The following ST8SIA4 variants were observed in gnomAD, a reference collection of about 807,000 sequenced individuals.
ST8SIA4 encodes ST8 alpha-N-acetyl-neuraminide alpha-2,8-sialyltransferase 4, also known as CMP-N-acetylneuraminate-poly-alpha-2,8-sialyltransferase.
In ST8SIA4, 15 loss-of-function variants were observed where a neutral mutation model predicts 33.9. The observed-to-expected ratio is 0.44, with a 90% CI of 0.30 to 0.68. ST8SIA4 has a LOEUF of 0.68. ST8SIA4 is among the 30% of genes least tolerant of loss of function. ST8SIA4 has a pLI of 0.10. For missense variants in ST8SIA4, 321 were observed against 428.0 expected, an observed-to-expected ratio of 0.75 and a Z score of 2.21; for synonymous variants, 171 against 151.2, an observed-to-expected ratio of 1.13 and a Z score of -0.96.
At chr5:100,889,441 A>G (rs1752612294) in intron 2 of ST8SIA4, among the ~76,000 whole-genome samples, 1 of 151,968 alleles carries the variant, frequency 6.6e-6, no homozygotes, top group Non-Finnish European at 1.5e-5. Flanking sequence ...TGCAAGCTGC[A>G]GTGAGTAAAC....
At chr5:100,900,015 G>C (rs1334792225) in intron 1 of ST8SIA4, among the ~76,000 whole-genome samples, 1 of 152,166 alleles carries the variant, frequency 6.6e-6, no homozygotes, top group African/African-American at 2.4e-5. Flanking sequence ...GGAGATATGA[G>C]AATGTGGATG....
At position 100,848,401 on chromosome 5, in the gene ST8SIA4, CTTTG is replaced by C. The variant is rs566420686; in HGVS notation, c.797+7698_797+7701del. Among the ~76,000 whole-genome samples the C allele has an allele frequency of 1.2e-3, 181 of 149,698 alleles. 2 individuals are homozygous for C. In the East Asian group the frequency reaches 0.015, roughly 12 times the overall value. On this transcript the variant is annotated intron_variant, in intron 4 of 4. Coordinates refer to ENST00000231461, the MANE Select transcript of ST8SIA4 (RefSeq NM_005668.6). ...AAAATACATATTTGTATATTTTATACTTTGTTAGTATGTGTAAATTATTTACAGT... is the reference window on the plus strand; with the variant it reads ...AAAATACATATTTGTATATTTTATACTTAGTATGTGTAAATTATTTACAGT...
chr5:100,826,593 G>T (rs557901022), intron 4 of ST8SIA4, among the ~76,000 whole-genome samples: 1 of 152,216 alleles, frequency 6.6e-6, no homozygotes, highest in South Asian at 2.1e-4. Flanking sequence ...GGATATGCAA[G>T]TTCTAAATTT....
At chr5:100,875,751 T>A (rs954614957) in intron 3 of ST8SIA4, among the ~76,000 whole-genome samples, 1 of 151,496 alleles carries the variant, frequency 6.6e-6, no homozygotes, top group Admixed American at 6.6e-5. Context: ...TAAAATAAAC[T>A]TGACGTTTAT....
intron 1 of ST8SIA4, among the ~76,000 whole-genome samples, chr5:100,899,071 C>A (rs57408442): frequency 0.011 from 1,612 of 152,212 alleles, 25 homozygotes; most frequent in African/African-American, 0.035. Flanking sequence ...TTTTGCAGTA[C>A]GTAAGACATA....
At chr5:100,894,747 T>G (rs1029612498) in intron 2 of ST8SIA4, among the ~76,000 whole-genome samples, 3 of 152,100 alleles carry the variant, frequency 2.0e-5, no homozygotes, top group Non-Finnish European at 2.9e-5. Flanking sequence ...GTAGGTATAA[T>G]ACAAGAAGTG....
At chr5:100,882,121 A>G (rs112215309) in intron 3 of ST8SIA4, among the ~76,000 whole-genome samples, 36,093 of 152,120 alleles carry the variant, frequency 0.24, 5,209 homozygotes, top group Non-Finnish European at 0.32. Context: ...AGACAGGAAA[A>G]TGTGGGAAAG....
chr5:100,873,438 T>C (rs757294147), intron 3 of ST8SIA4, among the ~76,000 whole-genome samples: 1 of 152,126 alleles, frequency 6.6e-6, no homozygotes, highest in African/African-American at 2.4e-5. Flanking sequence ...TAGCTCTTAG[T>C]TGATTTCTGA....
At chr5:100,827,967 A>G (rs2112411310) in intron 4 of ST8SIA4, among the ~76,000 whole-genome samples, 1 of 152,364 alleles carries the variant, frequency 6.6e-6, no homozygotes, top group Non-Finnish European at 1.5e-5. Flanking sequence ...TGGTTAAGTA[A>G]TTCAAATTTC....
chr5:100,869,822 T>C (rs1484328549), intron 3 of ST8SIA4, among the ~76,000 whole-genome samples: 3 of 152,142 alleles, frequency 2.0e-5, no homozygotes, highest in African/African-American at 7.2e-5. Context: ...AACCTAACAA[T>C]AGGGTGGTCT....
intron 4 of ST8SIA4, among the ~76,000 whole-genome samples, chr5:100,832,720 C>T (rs1170051272): frequency 2.0e-5 from 3 of 152,052 alleles, no homozygotes; most frequent in Non-Finnish European, 2.9e-5. Flanking sequence ...TTATAGGCTC[C>T]TGTTACATCA....
intron 3 of ST8SIA4, among the ~76,000 whole-genome samples, chr5:100,881,143 A>G (rs1752415099): frequency 6.6e-6 from 1 of 152,244 alleles, no homozygotes; most frequent in Non-Finnish European, 1.5e-5. Flanking sequence ...GTAGATTTAC[A>G]GAAATGTGTT....
intron 3 of ST8SIA4, among the ~76,000 whole-genome samples, chr5:100,860,617 A>T (rs1010866077): frequency 6.6e-6 from 1 of 152,200 alleles, no homozygotes; most frequent in Non-Finnish European, 1.5e-5. Context: ...AGTAGTATCA[A>T]CTTCACTTTT....
intron 4 of ST8SIA4, among the ~76,000 whole-genome samples, chr5:100,827,720 A>G (rs1206093596): frequency 3.9e-5 from 6 of 152,098 alleles, no homozygotes; most frequent in Non-Finnish European, 5.9e-5. Context: ...TTAATCAGGC[A>G]CTCCCTGGCT....
intron 3 of ST8SIA4, among the ~76,000 whole-genome samples, chr5:100,872,487 T>C (rs560440875): frequency 1.3e-5 from 2 of 152,220 alleles, no homozygotes; most frequent in African/African-American, 4.8e-5. Context: ...TCATCTTGAA[T>C]TGTAGTTCTC....
At chr5:100,828,154 T>C (rs961346778) in intron 4 of ST8SIA4, among the ~76,000 whole-genome samples, 1 of 152,176 alleles carries the variant, frequency 6.6e-6, no homozygotes, top group Non-Finnish European at 1.5e-5. Flanking sequence ...AAATTACCTG[T>C]CCTGGGAGAG....
chr5:100,824,242 C>G (rs1356894009), intron 4 of ST8SIA4, among the ~76,000 whole-genome samples: 1 of 152,108 alleles, frequency 6.6e-6, no homozygotes, highest in East Asian at 1.9e-4. Context: ...CATGTATAAA[C>G]TGCTAAAATG....
chr5:100,841,739 A>G (rs534450201), intron 4 of ST8SIA4, among the ~76,000 whole-genome samples: 14 of 151,856 alleles, frequency 9.2e-5, no homozygotes, highest in Non-Finnish European at 1.8e-4. Context: ...GTGGATAGGC[A>G]TTACTGTAAA....
Position 100,872,765 on chromosome 5 carries a change from T to C in ST8SIA4, c.503+13578A>G, listed in dbSNP as rs142992092. ...TCTTTATAAATTACCCAGTCTTGGA[T>C]ATTTATTTATTAGCAATGTGAGAAT... On this transcript the variant is annotated intron_variant, in intron 3 of 4. Transcript: ENST00000231461. 2.0e-5 allele frequency among the ~76,000 whole-genome samples: 3 copies of C among 152,046 alleles called. No homozygotes were observed. The East Asian group carries it at 5.8e-4, about 29-fold the overall frequency.
Sources: allele counts gnomAD v4.1 joint callset (sites outside exome capture counted in the v4.1 genomes callset), GRCh38; gene constraint gnomAD v4.1.1; transcripts MANE v1.5; gene names NCBI Gene and HGNC (gene_info 2026-07-23, HGNC 2026-07-21).